The following SLC6A16 variants were observed in gnomAD, a reference collection of about 807,000 sequenced individuals.
The protein encoded by SLC6A16 is solute carrier family 6 member 16.
SLC6A16 carries 54 observed loss-of-function variants against 65.4 expected under a neutral mutation model. The ratio of observed to expected loss-of-function variants is 0.83; its 90% CI spans 0.66 to 1.04. The LOEUF (loss-of-function observed/expected upper bound fraction) is 1.04. Ranked by LOEUF, SLC6A16 falls within the 50% of genes least tolerant of loss-of-function variation. SLC6A16 has a pLI of 0.00. For synonymous variants in SLC6A16, 330 were observed against 346.5 expected, an observed-to-expected ratio of 0.95 and a Z score of 0.53; for missense variants, 816 against 914.0, an observed-to-expected ratio of 0.89 and a Z score of 1.38.
intron 1 of SLC6A16, among the ~76,000 whole-genome samples, chr19:49,322,893 A>C (rs1272062101): frequency 7.4e-6 from 1 of 134,612 alleles, no homozygotes; most frequent in African/African-American, 2.8e-5. Context: ...CCTAAAACTA[A>C]CATGAAATCT....
the SLC6A16 span, chr19:49,338,280 C>A: frequency 1.8e-6 from 2 of 1,127,874 alleles, no homozygotes; most frequent in African/African-American, 1.6e-5. The surrounding 1 kb of genome is among the most constrained non-coding windows in gnomAD (Gnocchi z 5.0). Flanking sequence ...CCCGCCCCGA[C>A]CAGAGGTTGT....
chr19:49,310,571 A>G, intron 2 of SLC6A16, 61 bp from the exon 3 acceptor site: 2 of 1,580,786 alleles, frequency 1.3e-6, no homozygotes, highest in South Asian at 1.1e-5. Context: ...CCTGGACTCC[A>G]GGAGCCCAGG....
intron 7 of SLC6A16, among the ~76,000 whole-genome samples, chr19:49,306,560 T>G (rs1788194294): frequency 6.6e-6 from 1 of 150,588 alleles, no homozygotes; most frequent in Non-Finnish European, 1.5e-5. Flanking sequence ...TTTTTTTTTT[T>G]TGAGAGAGAG....
chr19:49,308,874 AC>A lies in SLC6A16; in HGVS notation c.1229+1del, dbSNP rs1484791354. The A allele has an allele frequency of 6.2e-7, 1 of 1,613,968 alleles. No homozygotes were observed. Among genetic ancestry groups the A allele is most frequent in the African/African-American group, 1.3e-5 (1 of 74,914 alleles). On this transcript the variant is annotated splice_donor_variant, in intron 7 of 11. Transcript: ENST00000335875. LOFTEE classifies it high-confidence loss of function. ...GACCCTTAACAAAGGGGCCGGCCTT[AC>A]CTCTCACAGCAGCGATGTGTGATGA...
chr19:49,311,866 A>G (rs1970530219), intron 1 of SLC6A16, among the ~76,000 whole-genome samples: 1 of 152,022 alleles, frequency 6.6e-6, no homozygotes, highest in Non-Finnish European at 1.5e-5. Flanking sequence ...AAAGAAAAAA[A>G]AAAAAGAAAT....
intron 4 of SLC6A16, 23 bp from the exon 5 acceptor site, chr19:49,309,849 A>C (rs1419757032): frequency 6.2e-7 from 1 of 1,602,984 alleles, no homozygotes; most frequent in Non-Finnish European, 8.5e-7. Flanking sequence ...GGCTTTAGAC[A>C]TGCCTGCTAG....
At chr19:49,337,492 T>C in the SLC6A16 span, 485 of 628,892 alleles carry the variant, frequency 7.7e-4, no homozygotes, top group Admixed American at 2.3e-3. Context: ...TGTGATGGTG[T>C]GCACCTGGGG....
At chr19:49,338,134 AAC>A in the SLC6A16 span, 1 of 1,499,990 alleles carries the variant, frequency 6.7e-7, no homozygotes, top group Non-Finnish European at 8.9e-7. The surrounding 1 kb of genome is among the most constrained non-coding windows in gnomAD (Gnocchi z 5.0). Context: ...CTACGATCCT[AAC>A]ACACCCCAAT....
chr19:49,293,368 G>C lies in SLC6A16; in HGVS notation c.1633C>G (p.Leu545Val). 6.2e-7 allele frequency: 1 copy of C among 1,614,104 alleles called. No homozygotes were observed. The highest frequency in any genetic ancestry group is 1.3e-5 in the African/African-American group (1 of 75,044). Residue 545 changes from leucine to valine, a missense_variant, in exon 10 of 12, where the codon CTC (leucine) becomes GTC (valine). Coordinates refer to ENST00000335875, the MANE Select transcript of SLC6A16 (RefSeq NM_014037.3). ...TKLLIVGVFL[L>V]MFVCGLFFTR... ...AAGAAGAGGCCGCACACGAACATGA[G>C]CAAAAAGACTCCCACTGGAGAAAAC...
At chr19:49,298,830 A>C (rs1163858102) in intron 7 of SLC6A16, among the ~76,000 whole-genome samples, 1 of 152,256 alleles carries the variant, frequency 6.6e-6, no homozygotes. Context: ...GGTAGACTGG[A>C]TAAAGAAAAT....
chr19:49,308,762 T>G, intron 7 of SLC6A16, 114 bp downstream of exon 7: 1 of 1,324,336 alleles, frequency 7.6e-7, no homozygotes. Flanking sequence ...GGCTTGCAAG[T>G]GCACCCAAGG....
intron 7 of SLC6A16, among the ~76,000 whole-genome samples, chr19:49,301,287 C>T (rs1286659116): frequency 3.9e-5 from 6 of 152,184 alleles, no homozygotes; most frequent in Admixed American, 3.9e-4. Context: ...GGCTATACCA[C>T]CAGCTTCCCT....
At chr19:49,319,456 CAT>C (rs1248922699) in intron 1 of SLC6A16, among the ~76,000 whole-genome samples, 2 of 134,956 alleles carry the variant, frequency 1.5e-5, no homozygotes, top group South Asian at 2.4e-4. Flanking sequence ...TATACATATA[CAT>C]ATGTGTATAT....
At chr19:49,330,127 G>C (rs79223512), upstream of SLC6A16, among the ~76,000 whole-genome samples, 2,616 of 150,684 alleles carry the variant, frequency 0.017, 74 homozygotes, top group African/African-American at 0.054. Context: ...AAAAAAAAAA[G>C]ACTCCAAAAC....
the SLC6A16 span, chr19:49,338,725 C>T: frequency 5.6e-6 from 9 of 1,612,512 alleles, no homozygotes; most frequent in Non-Finnish European, 5.1e-6. This position sits in a 1 kb window ranked among gnomAD's most constrained non-coding sequence, Gnocchi z 5.0. Context: ...TGGCACTACC[C>T]GCAGGACTGG....
At chr19:49,307,568 C>T (rs548239795) in intron 7 of SLC6A16, among the ~76,000 whole-genome samples, 9 of 151,624 alleles carry the variant, frequency 5.9e-5, no homozygotes, top group South Asian at 2.1e-4. Context: ...CGGTGGCTCA[C>T]GCCTGTAATC....
At chr19:49,339,414 G>C in the SLC6A16 span, 3 of 1,613,362 alleles carry the variant, frequency 1.9e-6, no homozygotes, top group Non-Finnish European at 1.7e-6. The surrounding 1 kb of genome is among the most constrained non-coding windows in gnomAD (Gnocchi z 4.5). Flanking sequence ...CCTACTCGAG[G>C]TGATCTGGCC....
rs368553361 is a variant in SLC6A16, at chr19:49,310,472, C to A, written c.454G>T (p.Val152Phe). The change falls in exon 3 of 12, where the codon GTC (valine) becomes TTC (phenylalanine). Residue 152 changes from valine to phenylalanine, a missense_variant. Coordinates refer to ENST00000335875, the MANE Select transcript of SLC6A16 (RefSeq NM_014037.3). The part of the protein sequence containing the change: ...AAIYIFMLFL[V>F]GVPLLFLEMA... Reference sequence around the variant, plus strand: ...TCCAGGAAGAGAAGAGGAACCCCGACCAGGAACAGCATGAAGATGTAGATG... The same window carrying A: ...TCCAGGAAGAGAAGAGGAACCCCGAACAGGAACAGCATGAAGATGTAGATG... 1.1e-5 allele frequency: 17 copies of A among 1,614,010 alleles called. No individual in the cohort carries two copies. Among genetic ancestry groups the A allele is most frequent in the Non-Finnish European group, 1.4e-5 (16 of 1,180,034 alleles).
intron 1 of SLC6A16, among the ~76,000 whole-genome samples, chr19:49,313,383 T>G (rs1339336370): frequency 6.6e-6 from 1 of 152,092 alleles, no homozygotes; most frequent in African/African-American, 2.4e-5. Flanking sequence ...CAGGCTGGCC[T>G]CGAACTCCTG....
Sources: allele counts gnomAD v4.1 joint callset (sites outside exome capture counted in the v4.1 genomes callset), GRCh38; gene constraint gnomAD v4.1.1; non-coding constraint Gnocchi (gnomAD v3.1); transcripts MANE v1.5; gene names NCBI Gene and HGNC (gene_info 2026-07-23, HGNC 2026-07-21).